Variants in TRPC4AP observed in about 807,000 individuals in gnomAD.
TRPC4AP encodes transient receptor potential cation channel subfamily C member 4 associated protein.
A neutral mutation model predicts 99.0 loss-of-function variants in TRPC4AP; 45 were observed. The ratio of observed to expected loss-of-function variants is 0.45; its 90% CI spans 0.36 to 0.58. TRPC4AP has a LOEUF of 0.58. Among genes scored for constraint, TRPC4AP ranks in the 20% least tolerant of loss-of-function variants. The pLI is 0.00. For missense variants in TRPC4AP, 879 were observed against 985.3 expected (o/e 0.89, Z 1.44); for synonymous variants, 408 against 385.8 (o/e 1.06, Z -0.67).
chr20:35,084,247 C>T (rs2084736787), intron 1 of TRPC4AP, among the ~76,000 whole-genome samples: 1 of 149,024 alleles, frequency 6.7e-6, no homozygotes, highest in African/African-American at 2.5e-5. Context: ...TCCAGCCGGG[C>T]AACAGTGCGA....
intron 7 of TRPC4AP, among the ~76,000 whole-genome samples, chr20:35,039,301 G>C (rs17092223): frequency 0.044 from 6,718 of 152,226 alleles, 488 homozygotes; most frequent in African/African-American, 0.15. Context: ...AGGGTTCTAA[G>C]TCTGACTTCC....
chr20:35,073,714 G>C (rs2084389910), intron 2 of TRPC4AP, among the ~76,000 whole-genome samples: 2 of 152,164 alleles, frequency 1.3e-5, no homozygotes, highest in Admixed American at 6.5e-5. Flanking sequence ...GTTCATCAGG[G>C]ATATTGGTCT....
chr20:35,078,311 C>G (rs1159028382), intron 1 of TRPC4AP, 137 bp from the exon 2 acceptor site: 2 of 859,676 alleles, frequency 2.3e-6, no homozygotes, highest in African/African-American at 3.4e-5. Flanking sequence ...TAAAAAGCCT[C>G]TTTCTATAAA....
chr20:35,073,672 G>A (rs1372925481), intron 2 of TRPC4AP, among the ~76,000 whole-genome samples: 1 of 152,192 alleles, frequency 6.6e-6, no homozygotes, highest in Non-Finnish European at 1.5e-5. Flanking sequence ...GATTTGGTTT[G>A]CCAGTATTTT....
intron 10 of TRPC4AP, among the ~76,000 whole-genome samples, chr20:35,014,948 G>T (rs2082716237): frequency 6.6e-6 from 1 of 152,300 alleles, no homozygotes; most frequent in South Asian, 2.1e-4. Context: ...CTCTCAAGGG[G>T]ACTGTGAGAG....
intron 3 of TRPC4AP, 38 bp from the exon 4 acceptor site, chr20:35,057,609 C>A: frequency 1.3e-6 from 2 of 1,501,246 alleles, no homozygotes; most frequent in South Asian, 2.3e-5. Context: ...AAAATTAATT[C>A]AAAGTATAAC....
chr20:35,016,808 T>C (rs1475524996), intron 9 of TRPC4AP, among the ~76,000 whole-genome samples: 4 of 152,252 alleles, frequency 2.6e-5, no homozygotes, highest in Non-Finnish European at 5.9e-5. Flanking sequence ...TGGCAATTCA[T>C]GCCACAGGCA....
intron 9 of TRPC4AP, 33 bp from the exon 10 acceptor site, chr20:35,016,172 C>T (rs747990600): frequency 6.8e-6 from 11 of 1,613,122 alleles, no homozygotes; most frequent in Non-Finnish European, 9.3e-6. Context: ...AGTATTAAGA[C>T]AAATGTGCTT....
At chr20:35,006,289 A>G in intron 15 of TRPC4AP, 146 bp downstream of exon 15, 1 of 901,236 alleles carries the variant, frequency 1.1e-6, no homozygotes. Flanking sequence ...CAGACAGAGC[A>G]GGTTCCAATG....
At chr20:35,035,389 C>T in intron 7 of TRPC4AP, 81 bp from the exon 8 acceptor site, 5 of 1,382,492 alleles carry the variant, frequency 3.6e-6, no homozygotes, top group Non-Finnish European at 3.9e-6. Context: ...AAACAATCTG[C>T]ATGATAGGAA....
chr20:35,073,117 A>G (rs968184443), intron 2 of TRPC4AP, among the ~76,000 whole-genome samples: 10 of 152,170 alleles, frequency 6.6e-5, no homozygotes, highest in African/African-American at 2.4e-4. Context: ...ACTTTTGCAC[A>G]TTGATTTTGT....
chr20:35,081,000 T>C (rs905664544), intron 1 of TRPC4AP, among the ~76,000 whole-genome samples: 1 of 152,160 alleles, frequency 6.6e-6, no homozygotes, highest in African/African-American at 2.4e-5. Flanking sequence ...CTTCATCAAT[T>C]TGCTGAAAAT....
At chr20:35,068,336 G>C (rs2084198491) in intron 3 of TRPC4AP, among the ~76,000 whole-genome samples, 2 of 152,044 alleles carry the variant, frequency 1.3e-5, no homozygotes, top group African/African-American at 4.8e-5. Flanking sequence ...TTCTTAGGTA[G>C]GTAAACTTCA....
rs565748167 is a variant in TRPC4AP, at chr20:35,080,482, T to C, written c.169-2308A>G. ...CGCCACTGCACTTCAGCCTGGGCGA[T>C]AAAGCCAGACCTTGTCTCAAAACAG... On this transcript the variant is annotated intron_variant, in intron 1 of 18. Transcript: ENST00000252015. Among the ~76,000 whole-genome samples, 30 of 120,520 alleles carry C rather than the reference T, an allele frequency of 2.5e-4. No individual in the cohort carries two copies. In the South Asian group the frequency reaches 7.8e-3, roughly 31 times the overall value. The allele number at this position is 120,520 out of a possible 152,430, so 79.1% of individuals were successfully genotyped here.
At position 35,086,507 on chromosome 20, in the gene TRPC4AP, ATGTGTGTGTGTG is replaced by A. The variant is rs35771366; in HGVS notation, c.168+6095_168+6106del. Among the ~76,000 whole-genome samples, 17 of 62,968 alleles carry A rather than the reference ATGTGTGTGTGTG, an allele frequency of 2.7e-4. 1 individual carries two copies. Among genetic ancestry groups the A allele is most frequent in the South Asian group, 9.4e-4 (2 of 2,138 alleles). The allele number at this position is 62,968 out of a possible 152,430, so 41.3% of individuals were successfully genotyped here. On this transcript the variant is annotated intron_variant, in intron 1 of 18. Coordinates refer to ENST00000252015, the MANE Select transcript of TRPC4AP (RefSeq NM_015638.3). ...TGTGTATATATATATGTGTATATAT[ATGTGTGTGTGTG>A]TATATATGTGTGTGTGTGTGTGTGT...
chr20:35,089,067 C>A (rs903093346), intron 1 of TRPC4AP, among the ~76,000 whole-genome samples: 7 of 149,460 alleles, frequency 4.7e-5, no homozygotes, highest in African/African-American at 1.7e-4. Flanking sequence ...CAGGGTTTCA[C>A]CATGTTGCCC....
intron 5 of TRPC4AP, among the ~76,000 whole-genome samples, chr20:35,051,889 T>C (rs1319592943): frequency 6.6e-6 from 1 of 152,182 alleles, no homozygotes; most frequent in Admixed American, 6.5e-5. Context: ...CTACTCCTTT[T>C]ACAGACTGAC....
Position 35,085,479 on chromosome 20 carries a change from GGCATGCGCCTAT to G in TRPC4AP, c.168+7123_168+7134del, listed in dbSNP as rs1174207573. Among the ~76,000 whole-genome samples the G allele has an allele frequency of 2.0e-5, 3 of 152,094 alleles. No homozygotes were observed. The East Asian group carries it at 5.8e-4, about 29-fold the overall frequency. On this transcript the variant is annotated intron_variant, in intron 1 of 18. Coordinates refer to ENST00000252015, the MANE Select transcript of TRPC4AP (RefSeq NM_015638.3). ...AATACAAAAATGAGCTGCGTATGGTGGCATGCGCCTATAGTCCCAGATACTCGGGAGGCTGAG... is the reference window on the plus strand; with the variant it reads ...AATACAAAAATGAGCTGCGTATGGTGAGTCCCAGATACTCGGGAGGCTGAG...
At chr20:35,080,638 C>G (rs1011706635) in intron 1 of TRPC4AP, among the ~76,000 whole-genome samples, 2 of 150,636 alleles carry the variant, frequency 1.3e-5, no homozygotes, top group East Asian at 3.9e-4. Context: ...TATCCAGAGA[C>G]AGAAAGATCA....
Sources: gnomAD v4.1 joint callset for allele counts (sites outside exome capture counted in the v4.1 genomes callset) on GRCh38, gnomAD v4.1.1 for gene constraint, MANE v1.5 for transcripts, NCBI Gene and HGNC (gene_info 2026-07-23, HGNC 2026-07-21) for gene names.